The following RBMS3 variants were observed in gnomAD, a reference collection of about 807,000 sequenced individuals.
RBMS3 encodes RNA-binding motif, single-stranded-interacting protein 3.
RBMS3 carries 27 observed loss-of-function variants against 66.8 expected under a neutral mutation model. That is an observed-to-expected ratio of 0.40 (90% confidence interval 0.30 to 0.56). The LOEUF (loss-of-function observed/expected upper bound fraction) is 0.56, where lower values mean the gene tolerates loss of function less well. Among genes scored for constraint, RBMS3 ranks in the 20% least tolerant of loss-of-function variants. The pLI, the probability that RBMS3 is intolerant of heterozygous loss-of-function variation, is 0.40. For missense variants in RBMS3, 513 were observed against 549.5 expected, an observed-to-expected ratio of 0.93 and a Z score of 0.66; for synonymous variants, 188 against 183.0, an observed-to-expected ratio of 1.03 and a Z score of -0.22.
chr3:29,671,863 G>T (rs982648130), intron 4 of RBMS3, among the ~76,000 whole-genome samples: 7 of 152,026 alleles, frequency 4.6e-5, no homozygotes, highest in African/African-American at 1.7e-4. Flanking sequence ...CACTCTTCAG[G>T]GTATTATCCA....
intron 4 of RBMS3, among the ~76,000 whole-genome samples, chr3:29,618,851 C>G (rs1263061527): frequency 6.6e-6 from 1 of 152,046 alleles, no homozygotes; most frequent in East Asian, 1.9e-4. Flanking sequence ...TCTCTTTTTC[C>G]CTATTCCAAC....
At chr3:29,509,841 A>G (rs1241523608) in intron 3 of RBMS3, among the ~76,000 whole-genome samples, 6 of 152,200 alleles carry the variant, frequency 3.9e-5, no homozygotes, top group African/African-American at 1.4e-4. Flanking sequence ...AACAACAACA[A>G]AGGACTGTAT....
chr3:29,804,979 C>G (rs180802748), intron 6 of RBMS3, among the ~76,000 whole-genome samples: 2 of 151,228 alleles, frequency 1.3e-5, no homozygotes, highest in Non-Finnish European at 3.0e-5. Flanking sequence ...TTGAAATTCC[C>G]AGTGATATGT....
intron 1 of RBMS3, among the ~76,000 whole-genome samples, chr3:29,426,884 G>A (rs2040980760): frequency 6.6e-6 from 1 of 152,162 alleles, no homozygotes; most frequent in South Asian, 2.1e-4. Flanking sequence ...CAGGCCCTGT[G>A]CTAAACATTT....
chr3:30,000,149 A>T (rs981694413), intron 14 of RBMS3, among the ~76,000 whole-genome samples: 1 of 152,162 alleles, frequency 6.6e-6, no homozygotes, highest in Non-Finnish European at 1.5e-5. Context: ...TACCCATCTG[A>T]CAAAGGTCTA....
intron 3 of RBMS3, 112 bp downstream of exon 3, chr3:29,488,611 G>T (rs1310160277): frequency 2.4e-6 from 2 of 832,816 alleles, no homozygotes; most frequent in East Asian, 5.8e-5. Flanking sequence ...TGCATAGTAT[G>T]GAAAACCTCT....
At chr3:29,725,306 T>A (rs550220983) in intron 4 of RBMS3, among the ~76,000 whole-genome samples, 19 of 152,210 alleles carry the variant, frequency 1.2e-4, no homozygotes, top group Admixed American at 6.6e-5. Flanking sequence ...AACTTACGAG[T>A]TTTTTAAAAA....
chr3:29,567,654 G>A (rs553541477), intron 3 of RBMS3, among the ~76,000 whole-genome samples: 1 of 152,018 alleles, frequency 6.6e-6, no homozygotes, highest in Admixed American at 6.6e-5. Context: ...TTGCATAACT[G>A]CCCCTGTTGG....
intron 12 of RBMS3, among the ~76,000 whole-genome samples, chr3:29,950,525 G>C (rs1164222921): frequency 6.6e-6 from 1 of 151,818 alleles, no homozygotes; most frequent in Non-Finnish European, 1.5e-5. Flanking sequence ...GCCTGTCAGA[G>C]AATATAGTCA....
intron 6 of RBMS3, among the ~76,000 whole-genome samples, chr3:29,810,915 A>G (rs1339603086): frequency 1.3e-5 from 2 of 152,178 alleles, no homozygotes; most frequent in African/African-American, 4.8e-5. Flanking sequence ...CTAGTAGAGA[A>G]GCCTATTACT....
intron 1 of RBMS3, among the ~76,000 whole-genome samples, chr3:29,350,953 C>G (rs1417141124): frequency 6.6e-6 from 1 of 151,744 alleles, no homozygotes; most frequent in Non-Finnish European, 1.5e-5. Context: ...TTTTCTCCTT[C>G]CAAATCTACC....
intron 4 of RBMS3, among the ~76,000 whole-genome samples, chr3:29,695,126 TTTACTC>T (rs1320416844): frequency 6.6e-6 from 1 of 152,178 alleles, no homozygotes; most frequent in Admixed American, 6.6e-5. Context: ...CCTTTGGAGT[TTTACTC>T]TTACTACTAC....
chr3:29,966,480 G>A (rs564524273), intron 12 of RBMS3, among the ~76,000 whole-genome samples: 4 of 151,978 alleles, frequency 2.6e-5, no homozygotes, highest in Non-Finnish European at 5.9e-5. Context: ...TTGAGTTCTC[G>A]ATTTGATTCT....
At position 29,934,704 on chromosome 3, in the gene RBMS3, C is replaced by T. The variant is rs545448115; in HGVS notation, c.940-1382C>T. ...AGACATGTTTTCTGATTGATTCCTA[C>T]TGAAAAGCCTAAATGTCTTTGTGAA... is the stretch of plus-strand genomic sequence containing the variant. On this transcript the variant is annotated intron_variant, in intron 10 of 14. Transcript: ENST00000383767. Among the ~76,000 whole-genome samples, 174 of 152,198 alleles carry T rather than the reference C, an allele frequency of 1.1e-3. 3 individuals are homozygous for T. The highest frequency in any genetic ancestry group is 3.6e-3 in the African/African-American group (149 of 41,548).
intron 3 of RBMS3, among the ~76,000 whole-genome samples, chr3:29,520,423 C>T (rs1480975191): frequency 6.6e-6 from 1 of 152,066 alleles, no homozygotes; most frequent in Non-Finnish European, 1.5e-5. Flanking sequence ...TTCTATTGGA[C>T]AGTACTGATT....
At chr3:29,829,069 G>C (rs1021320522) in intron 6 of RBMS3, among the ~76,000 whole-genome samples, 1 of 145,422 alleles carries the variant, frequency 6.9e-6, no homozygotes, top group Non-Finnish European at 1.5e-5. Flanking sequence ...TTTTGAGACA[G>C]AGTCTCACTC....
chr3:29,888,640 T>C (rs1356289282), intron 8 of RBMS3, among the ~76,000 whole-genome samples: 2 of 151,750 alleles, frequency 1.3e-5, no homozygotes, highest in Non-Finnish European at 2.9e-5. Flanking sequence ...TAGGTACTGC[T>C]ACTATGTCAT....
chr3:29,382,415 T>G (rs1372106326), intron 1 of RBMS3, among the ~76,000 whole-genome samples: 3 of 152,212 alleles, frequency 2.0e-5, no homozygotes, highest in Non-Finnish European at 2.9e-5. Context: ...ATTGATTTCT[T>G]CCTCAACGCT....
intron 4 of RBMS3, chr3:29,698,283 G>GT: frequency 3.0e-6 from 3 of 985,332 alleles, no homozygotes; most frequent in Non-Finnish European, 3.6e-6. Flanking sequence ...GCAAAATGTA[G>GT]TCCCTGGTGA....
Sources: gnomAD v4.1 joint callset for allele counts (sites outside exome capture counted in the v4.1 genomes callset) on GRCh38, gnomAD v4.1.1 for gene constraint, MANE v1.5 for transcripts, NCBI Gene and HGNC (gene_info 2026-07-23, HGNC 2026-07-21) for gene names.